Variants in NIN observed in about 807,000 individuals in gnomAD.
NIN encodes glycogen synthase kinase 3 beta-interacting protein.
Under a neutral mutation model 257.6 loss-of-function variants are expected in NIN, and 137 were observed. The ratio of observed to expected loss-of-function variants is 0.53; its 90% CI spans 0.46 to 0.61. The LOEUF is 0.61. Among genes scored for constraint, NIN ranks in the 20% least tolerant of loss-of-function variants. The pLI is 0.00. For synonymous variants in NIN, 918 were observed against 919.8 expected (o/e 1.00, Z 0.04); for missense variants, 2,439 against 2,501.2 (o/e 0.98, Z 0.53).
At chr14:50,744,021 G>A (rs2041417189) in intron 23 of NIN, among the ~76,000 whole-genome samples, 1 of 152,130 alleles carries the variant, frequency 6.6e-6, no homozygotes, top group Non-Finnish European at 1.5e-5. Flanking sequence ...GAAACATTTT[G>A]TATTATCGAG....
chr14:50,824,284 T>A (rs80096397), intron 2 of NIN, among the ~76,000 whole-genome samples: 1 of 152,236 alleles, frequency 6.6e-6, no homozygotes, highest in Non-Finnish European at 1.5e-5. Flanking sequence ...GGTGTCGAAT[T>A]TGATATACTA....
At chr14:50,725,319 C>G (rs2040367150) in intron 30 of NIN, among the ~76,000 whole-genome samples, 1 of 152,040 alleles carries the variant, frequency 6.6e-6, no homozygotes, top group African/African-American at 2.4e-5. Context: ...CTTGTCTCTT[C>G]AGTGGATGCG....
chr14:50,811,544 C>CTTTTTTTTTTTTTTTTT (rs55734117), intron 3 of NIN, among the ~76,000 whole-genome samples: 2 of 75,276 alleles, frequency 2.7e-5, no homozygotes, highest in Non-Finnish European at 4.8e-5. Flanking sequence ...AATGGTCAAG[C>CTTTTTTTTTTTTTTTTT]TTTTTTTTTT....
intron 20 of NIN, 23 bp from the exon 21 acceptor site, chr14:50,752,756 T>C: frequency 6.9e-7 from 1 of 1,444,816 alleles, no homozygotes; most frequent in South Asian, 1.3e-5. Flanking sequence ...AAAATAAGTT[T>C]TTCAAACTTG....
At position 50,744,473 on chromosome 14, in the gene NIN, T is replaced by C. The variant is rs950486393; in HGVS notation, c.5065-108A>G. ...ACAGCTGCTGCTATTTGCCTATCTG[T>C]GGATATTTCAGAGGACATAAACTCT... is the stretch of plus-strand genomic sequence containing the variant. On this transcript the variant is annotated intron_variant, in intron 22 of 30. Coordinates refer to ENST00000530997, the MANE Select transcript of NIN (RefSeq NM_020921.4). 11 of 1,191,186 alleles carry C rather than the reference T, an allele frequency of 9.2e-6. No individual in the cohort carries two copies. The African/African-American group carries it at 1.4e-4, about 15-fold the overall frequency. The allele number at this position is 1,191,186 out of a possible 1,614,324, so 73.8% of individuals were successfully genotyped here. A position where few individuals can be genotyped will look rare whatever the true frequency, so the allele number is the denominator to read the frequency against.
At position 50,756,727 on chromosome 14, in the gene NIN, T is replaced by G; in HGVS notation, c.4303A>C (p.Thr1435Pro). Residue 1435 changes from threonine (T) to proline (P), a missense_variant, in exon 18 of 31, where the codon ACT (threonine) becomes CCT (proline). Thr to Pro is a conservative substitution (Grantham distance 38, BLOSUM62 -1). Coordinates refer to ENST00000530997, the MANE Select transcript of NIN (RefSeq NM_020921.4). ...TTGTCTTGAAAGCCTAGGAGAGTAG[T>G]GTTTTCCTCCAGTATAACTTGATTC... Reference protein sequence around the residue: ...VQNQVILEENTTLLGFQDKHF... With the variant: ...VQNQVILEENPTLLGFQDKHF... The G allele has an allele frequency of 1.3e-6, 2 of 1,551,658 alleles. No individual in the cohort carries two copies. Among genetic ancestry groups the G allele is most frequent in the Non-Finnish European group, 1.7e-6 (2 of 1,146,994 alleles).
chr14:50,799,689 A>G (rs2043998506), intron 4 of NIN, among the ~76,000 whole-genome samples: 1 of 152,160 alleles, frequency 6.6e-6, no homozygotes, highest in African/African-American at 2.4e-5. Context: ...TATATCCACT[A>G]AGGTTGAAAT....
chr14:50,814,461 C>A (rs1349942986), intron 3 of NIN, among the ~76,000 whole-genome samples: 1 of 152,168 alleles, frequency 6.6e-6, no homozygotes, highest in East Asian at 1.9e-4. Flanking sequence ...AATCTTAGTC[C>A]ACCTTCATCA....
intron 28 of NIN, among the ~76,000 whole-genome samples, chr14:50,731,211 C>G (rs1245675129): frequency 1.3e-5 from 2 of 151,982 alleles, no homozygotes; most frequent in Non-Finnish European, 2.9e-5. Flanking sequence ...CTATTTGTGC[C>G]CCGCCCAATA....
chr14:50,761,684 A>G (rs2042280284), intron 16 of NIN, 106 bp downstream of exon 16: 1 of 1,311,762 alleles, frequency 7.6e-7, no homozygotes, highest in South Asian at 1.4e-5. Context: ...GGTTCCCAAC[A>G]TAGAATGTGC....
chr14:50,802,407 T>C (rs1179336772), intron 4 of NIN, among the ~76,000 whole-genome samples: 1 of 152,134 alleles, frequency 6.6e-6, no homozygotes, highest in African/African-American at 2.4e-5. Flanking sequence ...ATAAAGAGAC[T>C]GTACCTCAGA....
chr14:50,764,046 T>C, intron 14 of NIN, 82 bp from the exon 15 acceptor site: 1 of 1,272,848 alleles, frequency 7.9e-7, no homozygotes, highest in Non-Finnish European at 1.1e-6. Flanking sequence ...ATAAATTGGA[T>C]ATCATCAAAA....
At chr14:50,790,792 G>T (rs1419681629) in intron 5 of NIN, among the ~76,000 whole-genome samples, 3 of 152,188 alleles carry the variant, frequency 2.0e-5, no homozygotes, top group East Asian at 1.9e-4. Context: ...ACAAGATTTT[G>T]CCCAGGCTCA....
intron 4 of NIN, among the ~76,000 whole-genome samples, chr14:50,794,803 T>C (rs983520290): frequency 1.3e-5 from 2 of 151,992 alleles, no homozygotes; most frequent in Admixed American, 1.3e-4. Flanking sequence ...AACAACTATC[T>C]TTTAAAAATC....
At chr14:50,733,617 AAACAGG>A (rs1370436217) in intron 28 of NIN, among the ~76,000 whole-genome samples, 10 of 152,180 alleles carry the variant, frequency 6.6e-5, no homozygotes, top group African/African-American at 2.4e-4. Context: ...GTGCTGGGTA[AAACAGG>A]AACAGGCAGG....
chr14:50,764,095 T>C, intron 14 of NIN, 131 bp from the exon 15 acceptor site: 1 of 742,358 alleles, frequency 1.3e-6, no homozygotes, highest in East Asian at 2.6e-5. Context: ...ATCAAGAAAG[T>C]AGAAATGTTT....
At chr14:50,766,268 G>A (rs1294780057) in intron 14 of NIN, 39 bp downstream of exon 14, 9 of 1,530,498 alleles carry the variant, frequency 5.9e-6, no homozygotes, top group Non-Finnish European at 8.1e-6. Context: ...TCTGAACCCA[G>A]GCACTCCTGC....
rs140340977 is a variant in NIN at position 50,743,443 on chromosome 14, C to T, written c.5274G>A (p.Lys1758=). 9 of 1,613,348 alleles carry T rather than the reference C, an allele frequency of 5.6e-6. No individual in the cohort carries two copies. The highest frequency in any genetic ancestry group is 7.6e-6 in the Non-Finnish European group (9 of 1,179,390). The change falls in exon 24 of 31, where the codon AAG becomes AAA. Residue 1758 remains lysine, a synonymous_variant. Coordinates refer to ENST00000530997, the MANE Select transcript of NIN (RefSeq NM_020921.4). ...TTTCCTGAGAAGCCACCAGCTGTGA[C>T]TTTAAGCTCGCACTCTGATGTTCCC... ...KSWEHQSASL[K]SQLVASQEKV...
intron 21 of NIN, among the ~76,000 whole-genome samples, chr14:50,749,135 A>G (rs961305325): frequency 3.9e-5 from 6 of 152,166 alleles, no homozygotes; most frequent in African/African-American, 1.4e-4. Context: ...GGAACAGAAC[A>G]GAGGCCTCAG....
Sources: allele counts gnomAD v4.1 joint callset (sites outside exome capture counted in the v4.1 genomes callset), GRCh38; gene constraint gnomAD v4.1.1; transcripts MANE v1.5; gene names NCBI Gene and HGNC (gene_info 2026-07-23, HGNC 2026-07-21).